Variants in BPHL observed in about 807,000 individuals in gnomAD.
BPHL encodes serine hydrolase BPHL.
BPHL carries 27 observed loss-of-function variants against 31.2 expected under a neutral mutation model. The ratio of observed to expected loss-of-function variants is 0.87; its 90% CI spans 0.64 to 1.19. The LOEUF is 1.19. BPHL is among the 50% of genes most tolerant of loss of function. BPHL has a pLI of 0.00. For synonymous variants in BPHL, 150 were observed against 146.8 expected (o/e 1.02, Z -0.16); for missense variants, 356 against 375.7 (o/e 0.95, Z 0.43).
rs1410024742 is a variant in BPHL at position 3,141,785 on chromosome 6, C to T, written c.788+1276C>T. ...GGCCAGGAGTTCAAGACCAGCCTAG[C>T]CAACATGGCGAAACCCCATCTGTAC... On this transcript the variant is annotated intron_variant, in intron 6 of 6. Transcript: ENST00000380379. 2.0e-5 allele frequency among the ~76,000 whole-genome samples: 3 copies of T among 152,122 alleles called. No homozygotes were observed. The East Asian group carries it at 5.9e-4, about 30-fold the overall frequency.
Position 3,140,467 on chromosome 6 carries a change from G to A in BPHL, c.746G>A (p.Arg249Gln), listed in dbSNP as rs200124126. Residue 249 changes from arginine to glutamine, a missense_variant, in exon 6 of 7, where the codon CGG (arginine) becomes CAG (glutamine). By Grantham distance (43) the Arg-to-Gln change is conservative. Coordinates refer to ENST00000380379, the MANE Select transcript of BPHL (RefSeq NM_004332.4). The surrounding 1 kb of genome is among the most constrained non-coding windows in gnomAD (Gnocchi z 5.2). ...GGTGAGAAGGATCCTCTGGTCCCAC[G>A]GTTTCATGCCGACTTCATTCATAAG... ...VHGEKDPLVP[R>Q]FHADFIHKHV... 9.9e-6 allele frequency: 16 copies of A among 1,614,116 alleles called. No individual in the cohort carries two copies. Among genetic ancestry groups the A allele is most frequent in the East Asian group, 8.9e-5 (4 of 44,880 alleles).
chr6:3,148,795 T>C (rs1762449300), intron 6 of BPHL, among the ~76,000 whole-genome samples: 2 of 152,182 alleles, frequency 1.3e-5, no homozygotes, highest in African/African-American at 4.8e-5. Flanking sequence ...AACAGTGTGG[T>C]CTGAACCTTT....
intron 1 of BPHL, chr6:3,119,384 AG>A: frequency 6.3e-7 from 1 of 1,596,600 alleles, no homozygotes; most frequent in Non-Finnish European, 8.5e-7. Flanking sequence ...AATGTGCAAA[AG>A]AATCACGTTG....
intron 4 of BPHL, among the ~76,000 whole-genome samples, chr6:3,132,492 A>G (rs73718967): frequency 0.038 from 5,732 of 150,762 alleles, 345 homozygotes; most frequent in African/African-American, 0.13. Flanking sequence ...TCCTTGCTCC[A>G]CCTAACTCCC....
chr6:3,140,159 T>C lies in BPHL; in HGVS notation c.665-227T>C. 1 of 558,608 alleles carries C rather than the reference T, an allele frequency of 1.8e-6. No individual in the cohort carries two copies. Among genetic ancestry groups the C allele is most frequent in the Non-Finnish European group, 3.1e-6 (1 of 321,132 alleles). The allele number at this position is 558,608 out of a possible 1,614,324, so 34.6% of individuals were successfully genotyped here. A position where few individuals can be genotyped will look rare whatever the true frequency, so the allele number is the denominator to read the frequency against. ...TTAAATCAGGCTGCTTATTTACTAG[T>C]AGAACTCAGAAACAGGCAAACAAAC... On this transcript the variant is annotated intron_variant, in intron 5 of 6. Transcript: ENST00000380379. The surrounding 1 kb of genome is among the most constrained non-coding windows in gnomAD (Gnocchi z 5.2).
At position 3,127,351 on chromosome 6, in the gene BPHL, C is replaced by T. The variant is rs771151708; in HGVS notation, c.321C>T (p.Arg107=). The T allele has an allele frequency of 1.1e-5, 18 of 1,603,922 alleles. No individual in the cohort carries two copies. Among genetic ancestry groups the T allele is most frequent in the Middle Eastern group, 3.4e-4 (2 of 5,924 alleles). The change falls in exon 3 of 7, where the codon CGC becomes CGT. Residue 107 remains arginine, a synonymous_variant. Transcript: ENST00000380379. ...RGYGHSRPPD[R]DFPADFFERD... ...ATGGACATTCCAGGCCCCCAGATCG[C>T]GATTTCCCAGCAGACTTTTTTGAAA... is the stretch of plus-strand genomic sequence containing the variant.
At position 3,152,374 on chromosome 6, in the gene BPHL, G is replaced by A. The variant is rs1561804336; in HGVS notation, c.789-114G>A. 3 of 845,120 alleles carry A rather than the reference G, an allele frequency of 3.5e-6. 1 individual carries two copies. The East Asian group carries it at 7.8e-5, about 22-fold the overall frequency. 52.4% of individuals were successfully genotyped at this position (845,120 alleles called of 1,614,324 possible). The stretch of plus-strand genomic sequence containing the variant: ...CATTTTTCTCCTCGATAGTGGTCAT[G>A]GGGGAAATGTGTTAATTTTTCACTT... On this transcript the variant is annotated intron_variant, in intron 6 of 6. Coordinates refer to ENST00000380379, the MANE Select transcript of BPHL (RefSeq NM_004332.4).
chr6:3,151,278 G>T (rs1047206882), intron 6 of BPHL, among the ~76,000 whole-genome samples: 3 of 152,174 alleles, frequency 2.0e-5, no homozygotes, highest in Non-Finnish European at 4.4e-5. Context: ...TGTTCCTTGT[G>T]TAGGCAACTG....
chr6:3,127,804 G>C (rs1977105), intron 3 of BPHL, among the ~76,000 whole-genome samples: 7,687 of 151,418 alleles, frequency 0.051, 427 homozygotes, highest in African/African-American at 0.13. Flanking sequence ...TGGATGTACT[G>C]TATCTTATTT....
intron 6 of BPHL, among the ~76,000 whole-genome samples, chr6:3,144,303 G>A (rs1762260781): frequency 6.6e-6 from 1 of 151,796 alleles, no homozygotes; most frequent in Non-Finnish European, 1.5e-5. Context: ...TCCTGACCTC[G>A]TGATGCACCC....
intron 4 of BPHL, among the ~76,000 whole-genome samples, chr6:3,131,339 G>C (rs974411290): frequency 2.0e-5 from 3 of 152,092 alleles, no homozygotes. Flanking sequence ...ATGGCCTGCA[G>C]ATGACCCGGC....
At chr6:3,137,271 T>C in intron 4 of BPHL, 91 bp from the exon 5 acceptor site, 1 of 1,474,100 alleles carries the variant, frequency 6.8e-7, no homozygotes. Flanking sequence ...AGTGAGCGCA[T>C]GGGCTCAGAA....
At chr6:3,146,707 C>A (rs1467593366) in intron 6 of BPHL, among the ~76,000 whole-genome samples, 1 of 124,478 alleles carries the variant, frequency 8.0e-6, no homozygotes, top group African/African-American at 3.3e-5. Context: ...TGATTTGGGT[C>A]GGAGTGCTGG....
chr6:3,127,064 C>T (rs1286294789), intron 2 of BPHL, 178 bp from the exon 3 acceptor site: 3 of 424,496 alleles, frequency 7.1e-6, no homozygotes, highest in Non-Finnish European at 1.2e-5. Flanking sequence ...CCCGGTCAGC[C>T]TGCCTCCTTT....
intron 6 of BPHL, among the ~76,000 whole-genome samples, chr6:3,148,515 G>A (rs1213990859): frequency 6.6e-6 from 1 of 152,232 alleles, no homozygotes; most frequent in African/African-American, 2.4e-5. Context: ...GCTGCAGGCA[G>A]CCAGGGCTGC....
chr6:3,140,191 C>T lies in BPHL; in HGVS notation c.665-195C>T. 1 of 627,412 alleles carries T rather than the reference C, an allele frequency of 1.6e-6. No individual in the cohort carries two copies. Among genetic ancestry groups the T allele is most frequent in the Non-Finnish European group, 2.6e-6 (1 of 381,116 alleles). The allele number at this position is 627,412 out of a possible 1,614,324, so 38.9% of individuals were successfully genotyped here. ...CAGAAACAGGCAAACAAACAAGAAA[C>T]AGAGAGAAACAGAAAAGGGAACCCA... On this transcript the variant is annotated intron_variant, in intron 5 of 6. Transcript: ENST00000380379. This position sits in a 1 kb window ranked among gnomAD's most constrained non-coding sequence, Gnocchi z 5.2.
At chr6:3,147,334 AT>A (rs573273537) in intron 6 of BPHL, among the ~76,000 whole-genome samples, 130 of 152,228 alleles carry the variant, frequency 8.5e-4, no homozygotes, top group Non-Finnish European at 1.6e-3. Context: ...GCTGGCATGG[AT>A]ACAGGTGAAT....
intron 6 of BPHL, among the ~76,000 whole-genome samples, chr6:3,147,252 C>A (rs546338834): frequency 2.4e-4 from 37 of 152,060 alleles, no homozygotes; most frequent in African/African-American, 8.9e-4. Context: ...AGGAATGAGA[C>A]CCCACCTGAA....
At chr6:3,143,899 G>C (rs542931562) in intron 6 of BPHL, among the ~76,000 whole-genome samples, 1 of 152,118 alleles carries the variant, frequency 6.6e-6, no homozygotes, top group East Asian at 1.9e-4. Flanking sequence ...CTCGCCTCTC[G>C]CCTGCGGCCC....
Sources: allele counts gnomAD v4.1 joint callset (sites outside exome capture counted in the v4.1 genomes callset), GRCh38; gene constraint gnomAD v4.1.1; non-coding constraint Gnocchi (gnomAD v3.1); transcripts MANE v1.5; gene names NCBI Gene and HGNC (gene_info 2026-07-23, HGNC 2026-07-21).